Variants in TINAG observed in about 807,000 individuals in gnomAD.
TINAG encodes the protein tubulointerstitial nephritis antigen.
Under a neutral mutation model 72.7 loss-of-function variants are expected in TINAG, and 83 were observed. That is an observed-to-expected ratio of 1.14 (90% confidence interval 0.96 to 1.37). The LOEUF is 1.37. Ranked by LOEUF, TINAG falls within the 40% of genes most tolerant of loss-of-function variation. The pLI, the probability that TINAG is intolerant of heterozygous loss-of-function variation, is 0.00. For synonymous variants in TINAG, 234 were observed against 189.9 expected (o/e 1.23, Z -1.91); for missense variants, 685 against 576.6 (o/e 1.19, Z -1.93).
intron 10 of TINAG, among the ~76,000 whole-genome samples, chr6:54,386,513 T>A (rs923351559): frequency 6.6e-6 from 1 of 152,142 alleles, no homozygotes; most frequent in Admixed American, 6.6e-5. Context: ...TATTCTCAGA[T>A]CTTAGAGGAT....
rs1424703946 is a variant in TINAG, at chr6:54,308,874, G to T, written c.324G>T (p.Trp108Cys). 13 of 1,612,548 alleles carry T rather than the reference G, an allele frequency of 8.1e-6. No individual in the cohort carries two copies. The highest frequency in any genetic ancestry group is 1.1e-5 in the Non-Finnish European group (13 of 1,179,466). The change falls in exon 1 of 11, where the codon TGG becomes TGT. Residue 108 changes from tryptophan (W) to cysteine (C), a missense_variant. By Grantham distance (215) the Trp-to-Cys change is radical. Coordinates refer to ENST00000259782, the MANE Select transcript of TINAG (RefSeq NM_014464.4). ...CCTTTTGCCGTGAAGAGAAAGAATG[G>T]CCTCCTCACACACAGCCTTGGTATC... The part of the protein sequence containing the change: ...YKSFCREEKE[W>C]PPHTQPWYPE...
intron 3 of TINAG, among the ~76,000 whole-genome samples, chr6:54,324,520 A>G (rs925949994): frequency 2.6e-5 from 4 of 152,222 alleles, no homozygotes; most frequent in Middle Eastern, 3.2e-3. Context: ...GCCAGCTTAC[A>G]TTCAAAGGCT....
chr6:54,357,973 C>T (rs989661739), intron 9 of TINAG, among the ~76,000 whole-genome samples: 37 of 151,920 alleles, frequency 2.4e-4, no homozygotes, highest in Admixed American at 1.2e-3. Flanking sequence ...TCCTTCTCGC[C>T]GACTCCCACT....
intron 1 of TINAG, among the ~76,000 whole-genome samples, chr6:54,316,987 T>G (rs1024665514): frequency 6.6e-6 from 1 of 152,108 alleles, no homozygotes; most frequent in Non-Finnish European, 1.5e-5. Context: ...TTGGCTTTGT[T>G]TTGTTTTGTT....
chr6:54,351,202 T>G (rs1223537185), intron 7 of TINAG, 150 bp from the exon 8 acceptor site: 1 of 637,038 alleles, frequency 1.6e-6, no homozygotes, highest in Non-Finnish European at 2.6e-6. Flanking sequence ...GCATCTTGTC[T>G]TTAACAATTT....
chr6:54,310,635 C>T (rs1784223790), intron 1 of TINAG, among the ~76,000 whole-genome samples: 1 of 145,154 alleles, frequency 6.9e-6, no homozygotes, highest in African/African-American at 2.6e-5. Context: ...TTCCTTCCTT[C>T]CTCCCTCTCT....
At chr6:54,378,888 T>A (rs1283694626) in intron 9 of TINAG, among the ~76,000 whole-genome samples, 2 of 152,102 alleles carry the variant, frequency 1.3e-5, no homozygotes, top group Admixed American at 6.6e-5. Context: ...TTTTCTTCCC[T>A]CACTCTCATG....
intron 10 of TINAG, among the ~76,000 whole-genome samples, chr6:54,388,415 GA>G (rs1764159747): frequency 1.3e-5 from 2 of 152,094 alleles, no homozygotes; most frequent in African/African-American, 4.8e-5. Context: ...ATCTTAAAAA[GA>G]AATGCTGATA....
intron 4 of TINAG, among the ~76,000 whole-genome samples, chr6:54,328,282 A>C (rs1012295247): frequency 1.3e-5 from 2 of 152,118 alleles, no homozygotes; most frequent in Non-Finnish European, 2.9e-5. Flanking sequence ...AGCAGGCAGC[A>C]ATCTTTGCTG....
intron 4 of TINAG, among the ~76,000 whole-genome samples, chr6:54,333,785 A>G (rs1433846839): frequency 1.3e-5 from 2 of 152,216 alleles, no homozygotes; most frequent in East Asian, 3.9e-4. Context: ...TTTTACCTAA[A>G]CACAGTTATT....
At chr6:54,351,820 A>G (rs1785273347) in intron 8 of TINAG, among the ~76,000 whole-genome samples, 2 of 151,918 alleles carry the variant, frequency 1.3e-5, no homozygotes, top group African/African-American at 4.8e-5. Flanking sequence ...GTGGATTGAA[A>G]AAATTGAGGA....
At chr6:54,333,451 G>A (rs2150946954) in intron 4 of TINAG, among the ~76,000 whole-genome samples, 1 of 151,716 alleles carries the variant, frequency 6.6e-6, no homozygotes, top group Non-Finnish European at 1.5e-5. Flanking sequence ...GGAACATCAT[G>A]CACTGGGGCC....
intron 9 of TINAG, among the ~76,000 whole-genome samples, chr6:54,373,345 C>A (rs1378472444): frequency 6.6e-6 from 1 of 152,102 alleles, no homozygotes; most frequent in East Asian, 1.9e-4. Context: ...GCTCTTCTCT[C>A]TCAGATACGC....
intron 9 of TINAG, among the ~76,000 whole-genome samples, chr6:54,366,135 A>G (rs146286899): frequency 6.6e-6 from 1 of 151,766 alleles, no homozygotes; most frequent in Non-Finnish European, 1.5e-5. Context: ...TGAGGTGGGA[A>G]TTATTATTTC....
At chr6:54,322,367 C>G (rs113887658) in intron 3 of TINAG, among the ~76,000 whole-genome samples, 58 of 151,468 alleles carry the variant, frequency 3.8e-4, no homozygotes, top group African/African-American at 1.3e-3. Flanking sequence ...AAGATACAGG[C>G]GCCAACACTG....
intron 9 of TINAG, among the ~76,000 whole-genome samples, chr6:54,360,847 T>G (rs930453684): frequency 5.0e-5 from 5 of 99,918 alleles, no homozygotes; most frequent in Admixed American, 1.9e-4. Context: ...CTGTGTTTTT[T>G]TTTTTTTTTT....
At chr6:54,360,785 A>G (rs1438209369) in intron 9 of TINAG, among the ~76,000 whole-genome samples, 4 of 138,852 alleles carry the variant, frequency 2.9e-5, no homozygotes, top group African/African-American at 8.0e-5. Flanking sequence ...TACTGAAGAT[A>G]TATAGTCCTA....
intron 9 of TINAG, among the ~76,000 whole-genome samples, chr6:54,378,896 A>T (rs2150981394): frequency 6.6e-6 from 1 of 152,204 alleles, no homozygotes; most frequent in East Asian, 1.9e-4. Flanking sequence ...CCTCACTCTC[A>T]TGCCAAAGGA....
chr6:54,347,412 C>T lies in TINAG; in HGVS notation c.794C>T (p.Thr265Met), dbSNP rs745559883. ...GCAATTCAGTCTAAGGGTCGATACA[C>T]GGCCAATCTATCCCCTCAGAATTTG... is the stretch of plus-strand genomic sequence containing the variant. ...RIAIQSKGRY[T>M]ANLSPQNLIS... The change falls in exon 6 of 11, where the codon ACG becomes ATG. Residue 265 changes from threonine (T) to methionine (M), a missense_variant. Transcript: ENST00000259782. 94 of 1,613,150 alleles carry T rather than the reference C, an allele frequency of 5.8e-5. No individual in the cohort carries two copies. The highest frequency in any genetic ancestry group is 1.3e-4 in the Admixed American group (8 of 59,900).
Sources: gnomAD v4.1 joint callset for allele counts (sites outside exome capture counted in the v4.1 genomes callset) on GRCh38, gnomAD v4.1.1 for gene constraint, MANE v1.5 for transcripts, NCBI Gene and HGNC (gene_info 2026-07-23, HGNC 2026-07-21) for gene names.